Variants in GPC5 observed in about 807,000 individuals in gnomAD.
GPC5 encodes glypican 5.
In GPC5, 47 loss-of-function variants were observed where a neutral mutation model predicts 53.9. The observed-to-expected ratio is 0.87, with a 90% CI of 0.69 to 1.11. The LOEUF (loss-of-function observed/expected upper bound fraction) is 1.11. GPC5 is among the 50% of genes most tolerant of loss of function. The probability of loss-of-function intolerance (pLI) is 0.00; values close to 1 mark genes in which losing one functional copy is unlikely to be tolerated. For synonymous variants in GPC5, 286 were observed against 263.3 expected (o/e 1.09, Z -0.84); for missense variants, 748 against 713.1 (o/e 1.05, Z -0.56).
chr13:91,622,127 A>C (rs950192049), intron 2 of GPC5, among the ~76,000 whole-genome samples: 2 of 151,998 alleles, frequency 1.3e-5, no homozygotes, highest in African/African-American at 4.8e-5. Flanking sequence ...AACTGATTAG[A>C]TGGTGCTTAC....
intron 7 of GPC5, among the ~76,000 whole-genome samples, chr13:92,511,584 T>A (rs1880568712): frequency 1.3e-5 from 2 of 152,208 alleles, no homozygotes; most frequent in Admixed American, 1.3e-4. Context: ...GGCATATGAT[T>A]TCTGTGACCA....
intron 7 of GPC5, among the ~76,000 whole-genome samples, chr13:92,337,295 A>G (rs1353398119): frequency 1.3e-5 from 2 of 152,188 alleles, no homozygotes; most frequent in African/African-American, 4.8e-5. Flanking sequence ...AAATCAAAGA[A>G]GAACTACACA....
rs546640708 is a variant in GPC5, at chr13:92,818,720, G to A, written c.1562-47562G>A. Among the ~76,000 whole-genome samples, 10 of 152,124 alleles carry A rather than the reference G, an allele frequency of 6.6e-5. No homozygotes were observed. The East Asian group carries it at 1.5e-3, about 24-fold the overall frequency. ...AGAAGATCTGTAGGAAATGAATTGA[G>A]AAACTTGACAGGAACAGCTTGAGGT... is the stretch of plus-strand genomic sequence containing the variant. On this transcript the variant is annotated intron_variant, in intron 7 of 7. Transcript: ENST00000377067.
At chr13:91,919,979 T>C (rs541809835) in intron 6 of GPC5, among the ~76,000 whole-genome samples, 27 of 152,146 alleles carry the variant, frequency 1.8e-4, no homozygotes, top group Non-Finnish European at 3.1e-4. Flanking sequence ...AGTGGGAAGG[T>C]AACTCCCCAT....
chr13:92,408,629 GACACAC>G (rs35366487), intron 7 of GPC5, among the ~76,000 whole-genome samples: 9 of 148,006 alleles, frequency 6.1e-5, no homozygotes, highest in South Asian at 2.1e-4. Flanking sequence ...TATATATATA[GACACAC>G]ACACACACAC....
rs1302188769 is a variant in GPC5 at position 92,704,247 on chromosome 13, A to G, written c.1562-162035A>G. ...ACCCTTTCTCTCCAATGCAACAAAC[A>G]TAAAAATTAATAAAAAATTGCAGCC... On this transcript the variant is annotated intron_variant, in intron 7 of 7. Coordinates refer to ENST00000377067, the MANE Select transcript of GPC5 (RefSeq NM_004466.6). Among the ~76,000 whole-genome samples the G allele has an allele frequency of 5.9e-5, 9 of 152,188 alleles. No individual in the cohort carries two copies. In the East Asian group the frequency reaches 1.5e-3, roughly 26 times the overall value.
At chr13:91,459,892 T>C (rs946374407) in intron 2 of GPC5, among the ~76,000 whole-genome samples, 2 of 152,152 alleles carry the variant, frequency 1.3e-5, no homozygotes, top group African/African-American at 4.8e-5. Context: ...ATATTGCCAA[T>C]ATTTAGCATA....
intron 7 of GPC5, among the ~76,000 whole-genome samples, chr13:92,719,138 G>A (rs547031828): frequency 2.5e-4 from 38 of 151,430 alleles, no homozygotes; most frequent in African/African-American, 8.0e-4. Flanking sequence ...ACTATAAAAT[G>A]TATTTGAAAT....
chr13:91,452,268 G>T (rs538834430), intron 2 of GPC5, among the ~76,000 whole-genome samples: 6 of 152,118 alleles, frequency 3.9e-5, no homozygotes, highest in Non-Finnish European at 8.8e-5. Context: ...ATAGGCATAA[G>T]CCACCATGCC....
intron 7 of GPC5, among the ~76,000 whole-genome samples, chr13:92,438,452 A>G (rs953539237): frequency 1.3e-5 from 2 of 151,508 alleles, no homozygotes; most frequent in African/African-American, 2.4e-5. Context: ...AGCATGGGTG[A>G]CATAGTTCTC....
intron 6 of GPC5, among the ~76,000 whole-genome samples, chr13:92,022,208 C>T (rs1010999271): frequency 4.6e-5 from 7 of 152,134 alleles, no homozygotes; most frequent in African/African-American, 1.2e-4. Flanking sequence ...GCCATGTTGG[C>T]CAGGCTGGTC....
intron 7 of GPC5, among the ~76,000 whole-genome samples, chr13:92,232,930 A>G (rs917129724): frequency 4.1e-4 from 62 of 152,332 alleles, no homozygotes; most frequent in African/African-American, 1.2e-3. Flanking sequence ...AACTTGACCC[A>G]AAGAACTTCT....
chr13:92,036,597 T>G lies in GPC5; in HGVS notation c.1402-108233T>G, dbSNP rs1410959004. 4.6e-5 allele frequency among the ~76,000 whole-genome samples: 7 copies of G among 152,226 alleles called. No homozygotes were observed. In the South Asian group the frequency reaches 6.2e-4, roughly 13 times the overall value. ...AATAGATTTTGCTTCAAACTTTATT[T>G]TGTTCTCCACACTTAATATTTAATA... On this transcript the variant is annotated intron_variant, in intron 6 of 7. Transcript: ENST00000377067.
intron 2 of GPC5, among the ~76,000 whole-genome samples, chr13:91,544,799 A>G (rs1255647548): frequency 6.6e-6 from 1 of 152,212 alleles, no homozygotes; most frequent in East Asian, 1.9e-4. Flanking sequence ...TCTGACAGCC[A>G]GGAATATGGG....
At chr13:91,831,709 A>G (rs914152562) in intron 5 of GPC5, among the ~76,000 whole-genome samples, 2 of 151,988 alleles carry the variant, frequency 1.3e-5, no homozygotes, top group African/African-American at 4.8e-5. Flanking sequence ...TTAGAAAACT[A>G]AAAATATATT....
intron 7 of GPC5, among the ~76,000 whole-genome samples, chr13:92,263,247 A>T (rs558551115): frequency 5.9e-5 from 9 of 152,326 alleles, no homozygotes; most frequent in Non-Finnish European, 1.3e-4. Context: ...AATCATGTGA[A>T]TAAAAGTTGT....
chr13:91,549,625 A>C (rs2030505988), intron 2 of GPC5, among the ~76,000 whole-genome samples: 1 of 152,218 alleles, frequency 6.6e-6, no homozygotes, highest in Admixed American at 6.6e-5. Flanking sequence ...TCAACAAAGA[A>C]GGCATACAGA....
In GPC5 at chr13:92,456,145, CA is replaced by C. The variant is rs201272402; in HGVS notation, c.1561+311160del. ...CTGACATTAAAGTGTTGATGTCGGC[CA>C]AAAGTTGATTTTCCCAGATAGTGAC... is the stretch of plus-strand genomic sequence containing the variant. On this transcript the variant is annotated intron_variant, in intron 7 of 7. Coordinates refer to ENST00000377067, the MANE Select transcript of GPC5 (RefSeq NM_004466.6). Among the ~76,000 whole-genome samples the C allele has an allele frequency of 6.5e-3, 985 of 151,926 alleles. 5 individuals carry two copies. Among genetic ancestry groups the C allele is most frequent in the Non-Finnish European group, 8.2e-3 (559 of 67,922 alleles).
chr13:91,942,337 C>G (rs76879832), intron 6 of GPC5, among the ~76,000 whole-genome samples: 4 of 151,972 alleles, frequency 2.6e-5, no homozygotes, highest in African/African-American at 7.2e-5. Context: ...TTTCTTGTTA[C>G]AGTCATTTTA....
Sources: allele counts gnomAD v4.1 joint callset (sites outside exome capture counted in the v4.1 genomes callset), GRCh38; gene constraint gnomAD v4.1.1; transcripts MANE v1.5; gene names NCBI Gene and HGNC (gene_info 2026-07-23, HGNC 2026-07-21).